The following IFIT2 variants were observed in gnomAD, a reference collection of about 807,000 sequenced individuals.
IFIT2 encodes the protein interferon-induced protein with tetratricopeptide repeats 2.
A neutral mutation model predicts 2.5 loss-of-function variants in IFIT2; 3 were observed. The ratio of observed to expected loss-of-function variants is 1.21; its 90% CI spans 0.55 to 3.14. IFIT2 has a LOEUF of 3.14. IFIT2 is among the 30% of genes most tolerant of loss of function. IFIT2 has a pLI of 0.03. For missense variants in IFIT2, 493 were observed against 558.9 expected (o/e 0.88, Z 1.19); for synonymous variants, 212 against 200.7 (o/e 1.06, Z -0.48).
Position 89,305,989 on chromosome 10 carries a change from C to G in IFIT2, c.33C>G (p.Ser11Arg), listed in dbSNP as rs767929160. 20 of 1,612,594 alleles carry G rather than the reference C, an allele frequency of 1.2e-5. No homozygotes were observed. Among genetic ancestry groups the G allele is most frequent in the Admixed American group, 5.0e-5 (3 of 59,938 alleles). MSENNKNSLE[S>R]SLRQLKCHFT... ...AGAACAATAAGAATTCCTTGGAGAG[C>G]AGCCTACGGCAACTAAAATGCCATT... The change falls in exon 2 of 2, where the codon AGC (serine) becomes AGG (arginine). Residue 11 changes from serine (S) to arginine (R), a missense_variant. Physicochemically the swap from Ser to Arg is moderately radical, Grantham distance 110 (BLOSUM62 -1). Coordinates refer to ENST00000371826, the MANE Select transcript of IFIT2 (RefSeq NM_001547.5).
Position 89,306,028 on chromosome 10 carries a change from G to A in IFIT2, c.72G>A (p.Leu24=). 1 of 1,614,096 alleles carries A rather than the reference G, an allele frequency of 6.2e-7. No individual in the cohort carries two copies. The highest frequency in any genetic ancestry group is 8.5e-7 in the Non-Finnish European group (1 of 1,179,936). The change falls in exon 2 of 2, where the codon TTG becomes TTA. Residue 24 remains leucine (L), a synonymous_variant. Transcript: ENST00000371826. ...RQLKCHFTWN[L]MEGENSLDDF... is the part of the protein sequence containing the mutation. ...TAAAATGCCATTTCACCTGGAACTT[G>A]ATGGAGGGAGAAAACTCCTTGGATG...
Position 89,306,511 on chromosome 10 carries a change from G to T in IFIT2, c.555G>T (p.Leu185=), listed in dbSNP as rs779710990. Residue 185 remains leucine (L), a synonymous_variant, in exon 2 of 2, where the codon CTG becomes CTT. Coordinates refer to ENST00000371826, the MANE Select transcript of IFIT2 (RefSeq NM_001547.5). ...TSGLAIASYR[L]DNWPPSQNAI... The stretch of plus-strand genomic sequence containing the variant: ...GACTGGCAATAGCAAGCTACCGTCT[G>T]GACAACTGGCCACCATCTCAGAACG... 4 of 1,614,082 alleles carry T rather than the reference G, an allele frequency of 2.5e-6. No individual in the cohort carries two copies. The highest frequency in any genetic ancestry group is 3.4e-6 in the Non-Finnish European group (4 of 1,179,990).
In IFIT2 at chr10:89,307,708, A is replaced by C. The variant is rs1843491905; in HGVS notation, c.*333A>C. ...CTGGGCTTGTTTCTATATTTATATAAAGCAGCCAAATCCTTCATGTAATAT... is the reference window on the plus strand; with the variant it reads ...CTGGGCTTGTTTCTATATTTATATACAGCAGCCAAATCCTTCATGTAATAT... On this transcript the variant is annotated 3_prime_UTR_variant, in exon 2 of 2. Transcript: ENST00000371826. 8 of 211,356 alleles carry C rather than the reference A, an allele frequency of 3.8e-5. 1 individual carries two copies. In the South Asian group the frequency reaches 8.2e-4, roughly 22 times the overall value. The allele number at this position is 211,356 out of a possible 1,614,324, so 13.1% of individuals were successfully genotyped here.
In IFIT2 at chr10:89,306,232, A is replaced by G. The variant is rs758519887; in HGVS notation, c.276A>G (p.Arg92=). The change falls in exon 2 of 2, where the codon AGA becomes AGG. Residue 92 remains arginine (R), a synonymous_variant. Transcript: ENST00000371826. ...QQEHADQAEI[R]SLVTWGNYAW... Reference sequence around the variant, plus strand: ...AGCATGCTGACCAGGCAGAAATCAGAAGTCTGGTCACCTGGGGAAACTATG... The same window carrying G: ...AGCATGCTGACCAGGCAGAAATCAGGAGTCTGGTCACCTGGGGAAACTATG... 1 of 1,614,150 alleles carries G rather than the reference A, an allele frequency of 6.2e-7. No homozygotes were observed.
Position 89,308,297 on chromosome 10 carries a change from G to T in IFIT2, c.*922G>T, listed in dbSNP as rs1401614380. On this transcript the variant is annotated 3_prime_UTR_variant, in exon 2 of 2. Coordinates refer to ENST00000371826, the MANE Select transcript of IFIT2 (RefSeq NM_001547.5). Reference sequence around the variant, plus strand: ...TTGTAATCGAATGGAGAAATTTGCAGTATTTTAGCCACTATTAGGAATTTT... The same window carrying T: ...TTGTAATCGAATGGAGAAATTTGCATTATTTTAGCCACTATTAGGAATTTT... The T allele has an allele frequency of 1.3e-5, 2 of 152,112 alleles. No homozygotes were observed. The highest frequency in any genetic ancestry group is 4.8e-5 in the African/African-American group (2 of 41,416). The allele number at this position is 152,112 out of a possible 1,614,324, so 9.4% of individuals were successfully genotyped here.
In IFIT2 at chr10:89,307,526, G is replaced by A. The variant is rs1047943566; in HGVS notation, c.*151G>A. The A allele has an allele frequency of 2.5e-5, 16 of 642,238 alleles. No homozygotes were observed. The highest frequency in any genetic ancestry group is 9.1e-5 in the African/African-American group (5 of 54,774). The allele number at this position is 642,238 out of a possible 1,614,324, so 39.8% of individuals were successfully genotyped here. On this transcript the variant is annotated 3_prime_UTR_variant, in exon 2 of 2. Transcript: ENST00000371826. ...ACTGGACAGGGTTATGTTAACACCTGAATTGCTGGGTCTTGAGAGAGCCCA... is the reference window on the plus strand; with the variant it reads ...ACTGGACAGGGTTATGTTAACACCTAAATTGCTGGGTCTTGAGAGAGCCCA...
chr10:89,306,389 A>T lies in IFIT2; in HGVS notation c.433A>T (p.Thr145Ser), dbSNP rs140575157. 9.9e-6 allele frequency: 16 copies of T among 1,614,164 alleles called. No individual in the cohort carries two copies. The highest frequency in any genetic ancestry group is 1.3e-5 in the African/African-American group (1 of 75,046). Residue 145 changes from threonine (T) to serine (S), a missense_variant, in exon 2 of 2, where the codon ACA becomes TCA. Thr to Ser is a moderately conservative substitution (Grantham distance 58, BLOSUM62 1). Coordinates refer to ENST00000371826, the MANE Select transcript of IFIT2 (RefSeq NM_001547.5). Reference sequence around the variant, plus strand: ...AGAGCTTGACTGTGAGGAAGGGTGGACACGGTTAAAGTGTGGAGGAAACCA... The same window carrying T: ...AGAGCTTGACTGTGAGGAAGGGTGGTCACGGTTAAAGTGTGGAGGAAACCA... ...SPELDCEEGW[T>S]RLKCGGNQNE...
At chr10:89,302,890 G>C (rs968284336) in intron 1 of IFIT2, among the ~76,000 whole-genome samples, 1 of 151,916 alleles carries the variant, frequency 6.6e-6, no homozygotes, top group Non-Finnish European at 1.5e-5. Flanking sequence ...CTGGAATCCC[G>C]TGTTACCAAC....
intron 1 of IFIT2, among the ~76,000 whole-genome samples, chr10:89,304,977 A>C (rs1202203632): frequency 6.6e-6 from 1 of 152,032 alleles, no homozygotes; most frequent in South Asian, 2.1e-4. Context: ...AAAACCCAGA[A>C]GAGAAAAATA....
Position 89,307,464 on chromosome 10 carries a change from G to A in IFIT2, c.*89G>A, listed in dbSNP as rs910487648. 7 of 1,060,886 alleles carry A rather than the reference G, an allele frequency of 6.6e-6. No individual in the cohort carries two copies. In the African/African-American group the frequency reaches 1.1e-4, roughly 17 times the overall value. The allele number at this position is 1,060,886 out of a possible 1,614,324, so 65.7% of individuals were successfully genotyped here. A position where few individuals can be genotyped will look rare whatever the true frequency, so the allele number is the denominator to read the frequency against. ...TGGTATTCAAAATATGTAATGACTG[G>A]TATGGCAAAAGATTGGACTAAGACA... On this transcript the variant is annotated 3_prime_UTR_variant, in exon 2 of 2. Coordinates refer to ENST00000371826, the MANE Select transcript of IFIT2 (RefSeq NM_001547.5).
At chr10:89,304,718 C>A (rs1398293320) in intron 1 of IFIT2, among the ~76,000 whole-genome samples, 4 of 152,054 alleles carry the variant, frequency 2.6e-5, no homozygotes, top group Non-Finnish European at 5.9e-5. Flanking sequence ...GAAATACAGG[C>A]TTTTGCTCAT....
chr10:89,306,249 G>A lies in IFIT2; in HGVS notation c.293G>A (p.Gly98Glu), dbSNP rs754711613. 1.4e-5 allele frequency: 23 copies of A among 1,614,010 alleles called. No individual in the cohort carries two copies. The Admixed American group carries it at 1.5e-4, about 11-fold the overall frequency. The part of the protein sequence containing the change: ...QAEIRSLVTW[G>E]NYAWVYYHMG... ...GAAATCAGAAGTCTGGTCACCTGGG[G>A]AAACTATGCCTGGGTCTACTATCAC... Residue 98 changes from glycine to glutamate, a missense_variant, in exon 2 of 2, where the codon GGA becomes GAA. Gly to Glu is a moderately conservative substitution (Grantham distance 98, BLOSUM62 -2). Transcript: ENST00000371826.
intron 1 of IFIT2, among the ~76,000 whole-genome samples, chr10:89,304,246 T>C (rs1589594843): frequency 1.3e-5 from 2 of 152,158 alleles, no homozygotes; most frequent in Non-Finnish European, 1.5e-5. Context: ...TCTAAGTCCC[T>C]TGATGTAACT....
chr10:89,307,431 C>A lies in IFIT2; in HGVS notation c.*56C>A. 1 of 1,398,502 alleles carries A rather than the reference C, an allele frequency of 7.2e-7. No individual in the cohort carries two copies. The highest frequency in any genetic ancestry group is 9.8e-7 in the Non-Finnish European group (1 of 1,019,546). 86.6% of individuals were successfully genotyped at this position (1,398,502 alleles called of 1,614,324 possible). ...TGCTGAAAGGGAGCTGAAATTCCTC[C>A]ACCAAGTTGGTATTCAAAATATGTA... On this transcript the variant is annotated 3_prime_UTR_variant, in exon 2 of 2. Coordinates refer to ENST00000371826, the MANE Select transcript of IFIT2 (RefSeq NM_001547.5).
rs1843485686 is a variant in IFIT2 at position 89,307,013 on chromosome 10, G to A, written c.1057G>A (p.Ala353Thr). 1 of 1,613,920 alleles carries A rather than the reference G, an allele frequency of 6.2e-7. No homozygotes were observed. Among genetic ancestry groups the A allele is most frequent in the Non-Finnish European group, 8.5e-7 (1 of 1,179,918 alleles). ...LHALADQYED[A>T]EYYFQKEFSK... ...TGCTCTAGCAGATCAGTATGAAGAC[G>A]CAGAGTATTACTTCCAAAAGGAATT... Residue 353 changes from alanine (A) to threonine (T), a missense_variant, in exon 2 of 2, where the codon GCA becomes ACA. Ala to Thr is a moderately conservative substitution (Grantham distance 58, BLOSUM62 0). Transcript: ENST00000371826.
intron 1 of IFIT2, among the ~76,000 whole-genome samples, chr10:89,303,524 G>T (rs999667960): frequency 3.3e-5 from 5 of 152,198 alleles, no homozygotes; most frequent in African/African-American, 1.2e-4. Flanking sequence ...CAGAGCCCAG[G>T]AAGCAAGTGT....
chr10:89,307,683 C>G lies in IFIT2; in HGVS notation c.*308C>G. The G allele has an allele frequency of 4.1e-6, 1 of 246,398 alleles. No individual in the cohort carries two copies. The highest frequency in any genetic ancestry group is 8.0e-6 in the Non-Finnish European group (1 of 125,358). 15.3% of individuals were successfully genotyped at this position (246,398 alleles called of 1,614,324 possible). ...TAGTCACCTTTAGTGGAGTAATCTACTGGGCTTGTTTCTATATTTATATAA... is the reference window on the plus strand; with the variant it reads ...TAGTCACCTTTAGTGGAGTAATCTAGTGGGCTTGTTTCTATATTTATATAA... On this transcript the variant is annotated 3_prime_UTR_variant, in exon 2 of 2. Coordinates refer to ENST00000371826, the MANE Select transcript of IFIT2 (RefSeq NM_001547.5).
chr10:89,306,455 A>G lies in IFIT2; in HGVS notation c.499A>G (p.Lys167Glu). The stretch of plus-strand genomic sequence containing the variant: ...GGTGTGCTTTGAGAAGGCTCTGGAA[A>G]AGAAGCCAAAGAACCCAGAATTCAC... ...AKVCFEKALE[K>E]KPKNPEFTSG... is the part of the protein sequence containing the mutation. Residue 167 changes from lysine to glutamate, a missense_variant, in exon 2 of 2, where the codon AAG (lysine) becomes GAG (glutamate). Transcript: ENST00000371826. 1 of 1,614,142 alleles carries G rather than the reference A, an allele frequency of 6.2e-7. No homozygotes were observed. The highest frequency in any genetic ancestry group is 1.1e-5 in the South Asian group (1 of 91,088).
chr10:89,303,315 G>T (rs969773039), intron 1 of IFIT2, among the ~76,000 whole-genome samples: 2 of 152,224 alleles, frequency 1.3e-5, no homozygotes, highest in Non-Finnish European at 2.9e-5. Flanking sequence ...CATTAAGTGG[G>T]TCTGGGTTAG....
Sources: allele counts gnomAD v4.1 joint callset (sites outside exome capture counted in the v4.1 genomes callset), GRCh38; gene constraint gnomAD v4.1.1; transcripts MANE v1.5; gene names NCBI Gene and HGNC (gene_info 2026-07-23, HGNC 2026-07-21).